Variants in CCDC148 observed in about 807,000 individuals in gnomAD.
The protein encoded by CCDC148 is coiled-coil domain containing 148.
In CCDC148, 89 loss-of-function variants were observed where a neutral mutation model predicts 85.7. The observed-to-expected ratio is 1.04, with a 90% CI of 0.87 to 1.24. The LOEUF (loss-of-function observed/expected upper bound fraction) is 1.24, where lower values mean the gene tolerates loss of function less well. CCDC148 is among the 50% of genes most tolerant of loss of function. The pLI is 0.00. For missense variants in CCDC148, 692 were observed against 671.7 expected (o/e 1.03, Z -0.33); for synonymous variants, 230 against 213.9 (o/e 1.08, Z -0.66).
At chr2:158,361,725 A>G (rs1683956035) in intron 1 of CCDC148, among the ~76,000 whole-genome samples, 2 of 152,236 alleles carry the variant, frequency 1.3e-5, no homozygotes, top group South Asian at 4.1e-4. Flanking sequence ...AACACGTAGC[A>G]AATTGTAAAG....
chr2:158,203,340 T>A (rs1686067002), intron 11 of CCDC148, among the ~76,000 whole-genome samples: 1 of 152,212 alleles, frequency 6.6e-6, no homozygotes, highest in Non-Finnish European at 1.5e-5. Context: ...TCCTAAGCAA[T>A]AAGCTTTATT....
chr2:158,363,468 GA>G (rs1261670985), intron 1 of CCDC148, among the ~76,000 whole-genome samples: 1 of 152,096 alleles, frequency 6.6e-6, no homozygotes, highest in Non-Finnish European at 1.5e-5. Context: ...TATCCACCAT[GA>G]TCAAGTCGGC....
At chr2:158,229,481 C>A (rs1400684137) in intron 10 of CCDC148, among the ~76,000 whole-genome samples, 1 of 152,162 alleles carries the variant, frequency 6.6e-6, no homozygotes, top group Non-Finnish European at 1.5e-5. Context: ...TCTTCAATGA[C>A]AATAAGCATT....
intron 1 of CCDC148, among the ~76,000 whole-genome samples, chr2:158,383,279 T>C (rs1458312488): frequency 6.6e-6 from 1 of 151,964 alleles, no homozygotes; most frequent in Non-Finnish European, 1.5e-5. Context: ...ATCACACCAC[T>C]GCACTCAAGC....
At chr2:158,274,521 C>A (rs1361114057) in intron 9 of CCDC148, among the ~76,000 whole-genome samples, 1 of 152,116 alleles carries the variant, frequency 6.6e-6, no homozygotes, top group Non-Finnish European at 1.5e-5. Flanking sequence ...TTATTTTATG[C>A]TCAGTTATTT....
At chr2:158,349,760 T>A in intron 2 of CCDC148, among the ~76,000 whole-genome samples, 1 of 151,946 alleles carries the variant, frequency 6.6e-6, no homozygotes, top group East Asian at 1.9e-4. Flanking sequence ...TAATAAAAAA[T>A]GAAAACTGCA....
In CCDC148 at chr2:158,228,827, G is replaced by T. The variant is rs557584640; in HGVS notation, c.1252-8114C>A. 4.1e-5 allele frequency among the ~76,000 whole-genome samples: 5 copies of T among 123,152 alleles called. No individual in the cohort carries two copies. The East Asian group carries it at 1.2e-3, about 29-fold the overall frequency. 80.8% of individuals were successfully genotyped at this position (123,152 alleles called of 152,430 possible). A position where few individuals can be genotyped will look rare whatever the true frequency, so the allele number is the denominator to read the frequency against. On this transcript the variant is annotated intron_variant, in intron 10 of 13. Coordinates refer to ENST00000283233, the MANE Select transcript of CCDC148 (RefSeq NM_138803.4). ...CTGTTGTGGGGTTGGGGGGAGGGGGGAGGGATAGTATTTGGAGATATACCT... is the reference window on the plus strand; with the variant it reads ...CTGTTGTGGGGTTGGGGGGAGGGGGTAGGGATAGTATTTGGAGATATACCT...
chr2:158,209,497 T>A lies in CCDC148; in HGVS notation c.1370+11098A>T, dbSNP rs1686438582. ...GTGTGATGTACTGGAGGACACAGCA[T>A]CCTTTGCTGCTGTGGAAGACCTGCA... On this transcript the variant is annotated intron_variant, in intron 11 of 13. Coordinates refer to ENST00000283233, the MANE Select transcript of CCDC148 (RefSeq NM_138803.4). Among the ~76,000 whole-genome samples the A allele has an allele frequency of 2.6e-5, 4 of 152,284 alleles. No individual in the cohort carries two copies. The South Asian group carries it at 8.3e-4, about 32-fold the overall frequency.
chr2:158,233,054 A>ATCAT (rs1687929492), intron 10 of CCDC148, among the ~76,000 whole-genome samples: 1 of 152,174 alleles, frequency 6.6e-6, no homozygotes, highest in Non-Finnish European at 1.5e-5. Flanking sequence ...TACATGTTTG[A>ATCAT]GGTAATGGAT....
At chr2:158,401,933 A>T (rs1488508111) in intron 1 of CCDC148, among the ~76,000 whole-genome samples, 1 of 152,028 alleles carries the variant, frequency 6.6e-6, no homozygotes, top group African/African-American at 2.4e-5. Context: ...CCAGAAGAGA[A>T]GGATGGCCAT....
chr2:158,417,823 T>C (rs142130419), intron 1 of CCDC148, among the ~76,000 whole-genome samples: 4 of 152,312 alleles, frequency 2.6e-5, no homozygotes, highest in African/African-American at 7.2e-5. Context: ...CTGAAGTTCA[T>C]TTGTAGATCC....
intron 1 of CCDC148, among the ~76,000 whole-genome samples, chr2:158,417,176 G>T (rs984203988): frequency 6.6e-6 from 1 of 152,158 alleles, no homozygotes; most frequent in Non-Finnish European, 1.5e-5. Context: ...TGAGATTTGG[G>T]CAGGGACACA....
intron 9 of CCDC148, among the ~76,000 whole-genome samples, chr2:158,294,518 G>A (rs1691076394): frequency 6.6e-6 from 1 of 152,050 alleles, no homozygotes; most frequent in Non-Finnish European, 1.5e-5. Context: ...AGCCAAAATA[G>A]TAAAAAGAAC....
chr2:158,358,404 CG>C, intron 2 of CCDC148, 44 bp downstream of exon 2: 1 of 1,578,748 alleles, frequency 6.3e-7, no homozygotes, highest in Non-Finnish European at 8.5e-7. Context: ...TCCAGCAATT[CG>C]ATTTTCTAAA....
intron 11 of CCDC148, among the ~76,000 whole-genome samples, chr2:158,204,186 AG>A (rs1364875222): frequency 1.3e-5 from 2 of 152,318 alleles, no homozygotes; most frequent in Admixed American, 1.3e-4. Context: ...AATTTACTGG[AG>A]TTTACTGGAG....
intron 11 of CCDC148, among the ~76,000 whole-genome samples, chr2:158,191,496 GT>G (rs1320580656): frequency 2.0e-5 from 3 of 151,872 alleles, no homozygotes; most frequent in Non-Finnish European, 4.4e-5. Flanking sequence ...CGCCTTCGGG[GT>G]TTTTTCTTCT....
At chr2:158,344,124 C>T (rs1210984444) in intron 3 of CCDC148, among the ~76,000 whole-genome samples, 1 of 151,976 alleles carries the variant, frequency 6.6e-6, no homozygotes, top group Non-Finnish European at 1.5e-5. Context: ...TTAAAGCTTC[C>T]TAATGGCTTT....
chr2:158,372,796 T>C (rs1684501905), intron 1 of CCDC148, among the ~76,000 whole-genome samples: 1 of 152,186 alleles, frequency 6.6e-6, no homozygotes, highest in South Asian at 2.1e-4. Flanking sequence ...GGTTTCTAAT[T>C]GCTCTCCAGG....
intron 9 of CCDC148, among the ~76,000 whole-genome samples, chr2:158,296,355 T>A (rs1691188050): frequency 6.6e-6 from 1 of 152,236 alleles, no homozygotes; most frequent in Admixed American, 6.5e-5. Context: ...TGACTGCATA[T>A]CTTTGTTGAA....
Sources: gnomAD v4.1 joint callset for allele counts (sites outside exome capture counted in the v4.1 genomes callset) on GRCh38, gnomAD v4.1.1 for gene constraint, MANE v1.5 for transcripts, NCBI Gene and HGNC (gene_info 2026-07-23, HGNC 2026-07-21) for gene names.